The following LRRK1 variants were observed in gnomAD, a reference collection of about 807,000 sequenced individuals.
The protein encoded by LRRK1 is leucine-rich repeat serine/threonine-protein kinase 1.
Under a neutral mutation model 209.1 loss-of-function variants are expected in LRRK1, and 113 were observed. That is an observed-to-expected ratio of 0.54 (90% CI 0.46 to 0.63). LRRK1 has a LOEUF of 0.63. LRRK1 is among the 30% of genes least tolerant of loss of function. The pLI is 0.00. For missense variants in LRRK1, 2,284 were observed against 2,632.2 expected, an observed-to-expected ratio of 0.87 and a Z score of 2.89; for synonymous variants, 1,144 against 1,099.7, an observed-to-expected ratio of 1.04 and a Z score of -0.80.
At chr15:101,026,684 C>T (rs1221384295) in intron 17 of LRRK1, among the ~76,000 whole-genome samples, 1 of 152,234 alleles carries the variant, frequency 6.6e-6, no homozygotes, top group Non-Finnish European at 1.5e-5. Context: ...GATTGTTTGC[C>T]ACTTTGTAGG....
chr15:101,007,891 C>T (rs923508169), intron 6 of LRRK1, among the ~76,000 whole-genome samples: 1 of 152,130 alleles, frequency 6.6e-6, no homozygotes, highest in Non-Finnish European at 1.5e-5. Flanking sequence ...TGGCTCATGC[C>T]TGTAATTGCA....
At chr15:100,975,807 T>A (rs1322634095) in intron 3 of LRRK1, among the ~76,000 whole-genome samples, 1 of 151,970 alleles carries the variant, frequency 6.6e-6, no homozygotes. Flanking sequence ...AAAATAAAGG[T>A]AAAGAAAGTA....
rs998514955 is a variant in LRRK1 at position 101,001,964 on chromosome 15, C to T, written c.763-6873C>T. Among the ~76,000 whole-genome samples, 13 of 152,078 alleles carry T rather than the reference C, an allele frequency of 8.5e-5. No homozygotes were observed. The South Asian group carries it at 1.9e-3, about 22-fold the overall frequency. ...AAGGCTGCTCTTGACCCCACAGAAT[C>T]GTACAGAGGAACACCTGTGTGCATA... is the stretch of plus-strand genomic sequence containing the variant. On this transcript the variant is annotated intron_variant, in intron 6 of 33. Transcript: ENST00000388948.
intron 12 of LRRK1, among the ~76,000 whole-genome samples, chr15:101,016,366 C>T (rs1301382705): frequency 6.6e-6 from 1 of 151,892 alleles, no homozygotes; most frequent in East Asian, 1.9e-4. Flanking sequence ...GCCCTCCTCT[C>T]AGATATCCAG....
chr15:101,049,156 G>A (rs889822505), intron 22 of LRRK1, among the ~76,000 whole-genome samples: 5 of 152,098 alleles, frequency 3.3e-5, no homozygotes, highest in African/African-American at 1.2e-4. Flanking sequence ...CAGCCCAACA[G>A]GTTTAACGAA....
intron 23 of LRRK1, among the ~76,000 whole-genome samples, chr15:101,050,309 C>CATTG (rs1218448470): frequency 2.0e-5 from 3 of 152,182 alleles, no homozygotes; most frequent in Non-Finnish European, 4.4e-5. Context: ...TCTGTTTCTT[C>CATTG]ATTGATAGTT....
chr15:101,004,365 T>C (rs143094623), intron 6 of LRRK1, among the ~76,000 whole-genome samples: 204 of 152,154 alleles, frequency 1.3e-3, no homozygotes, highest in African/African-American at 4.6e-3. Flanking sequence ...TGAAAGGTCT[T>C]GCGCAGACTT....
rs1330727443 is a variant in LRRK1 at position 100,995,375 on chromosome 15, G to T, written c.762+5977G>T. Among the ~76,000 whole-genome samples the T allele has an allele frequency of 5.3e-5, 8 of 152,282 alleles. No individual in the cohort carries two copies. In the East Asian group the frequency reaches 1.3e-3, roughly 26 times the overall value. On this transcript the variant is annotated intron_variant, in intron 6 of 33. Transcript: ENST00000388948. ...AGAAACCCACATTTGTTTTCCATTG[G>T]CAGTGGCTGGCTGCTTGGGTTTTGC...
intron 2 of LRRK1, among the ~76,000 whole-genome samples, chr15:100,966,889 G>A (rs571024262): frequency 1.3e-5 from 2 of 152,294 alleles, no homozygotes; most frequent in Admixed American, 6.5e-5. Flanking sequence ...GCACCTTATG[G>A]CCTACATATG....
chr15:101,073,821 C>T lies in LRRK1; in HGVS notation c.*4973C>T, dbSNP rs1431393036. 6.6e-6 allele frequency: 1 copy of T among 152,130 alleles called. No homozygotes were observed. Among genetic ancestry groups the T allele is most frequent in the African/African-American group, 2.4e-5 (1 of 41,410 alleles). 9.4% of individuals were successfully genotyped at this position (152,130 alleles called of 1,614,324 possible). On this transcript the variant is annotated 3_prime_UTR_variant, in exon 34 of 34. Coordinates refer to ENST00000388948, the MANE Select transcript of LRRK1 (RefSeq NM_024652.6). Reference sequence around the variant, plus strand: ...AGGCAACCTTCCACTCTCCATTCCTCCTTCTTCTCCCTTAGCCTATGTTCT... The same window carrying T: ...AGGCAACCTTCCACTCTCCATTCCTTCTTCTTCTCCCTTAGCCTATGTTCT...
Position 101,055,170 on chromosome 15 carries a change from A to T in LRRK1, c.4279A>T (p.Thr1427Ser). The part of the protein sequence containing the change: ...FHEGALGVEG[T>S]PGYQAPEIRP... Reference sequence around the variant, plus strand: ...TGAGGGCGCCCTAGGCGTGGAGGGCACTCCTGGCTACCAGGCCCCAGAGAT... The same window carrying T: ...TGAGGGCGCCCTAGGCGTGGAGGGCTCTCCTGGCTACCAGGCCCCAGAGAT... The change falls in exon 27 of 34, where the codon ACT becomes TCT. Residue 1427 changes from threonine (T) to serine (S), a missense_variant. Around this residue, in one of 6 missense-constraint regions of LRRK1, gnomAD observed 59 missense variants for 103.8 expected, o/e 0.57. Transcript: ENST00000388948. 1 of 1,606,808 alleles carries T rather than the reference A, an allele frequency of 6.2e-7. No homozygotes were observed. The highest frequency in any genetic ancestry group is 8.5e-7 in the Non-Finnish European group (1 of 1,176,334).
chr15:100,999,665 A>G (rs1218682179), intron 6 of LRRK1, among the ~76,000 whole-genome samples: 1 of 152,222 alleles, frequency 6.6e-6, no homozygotes. Context: ...GAAATATTTG[A>G]CTGGGAAAAA....
chr15:101,011,195 G>A (rs1210450649), intron 9 of LRRK1, among the ~76,000 whole-genome samples: 1 of 152,028 alleles, frequency 6.6e-6, no homozygotes, highest in Admixed American at 6.6e-5. Flanking sequence ...CAGGCCGGGC[G>A]CTATGGCTCA....
At chr15:100,961,374 G>A (rs2029927992) in intron 2 of LRRK1, among the ~76,000 whole-genome samples, 1 of 152,156 alleles carries the variant, frequency 6.6e-6, no homozygotes, top group Admixed American at 6.5e-5. Context: ...GCAGTTGGTG[G>A]CTGGGCGCGG....
At chr15:100,954,210 G>A (rs764446200) in intron 2 of LRRK1, among the ~76,000 whole-genome samples, 8 of 152,078 alleles carry the variant, frequency 5.3e-5, no homozygotes, top group Admixed American at 3.9e-4. Context: ...CACCGTGCCC[G>A]GCCTAACTCA....
In LRRK1 at chr15:101,049,745, C is replaced by G. The variant is rs61733312; in HGVS notation, c.3401C>G (p.Thr1134Arg). 3.1e-6 allele frequency: 5 copies of G among 1,613,944 alleles called. No homozygotes were observed. Among genetic ancestry groups the G allele is most frequent in the Non-Finnish European group, 4.2e-6 (5 of 1,179,956 alleles). ...GACTTCTCAGCCATGGCTTTCATCA[C>G]GGACCACGTCAATTCCTTGATTGAT... ...VRDFSAMAFI[T>R]DHVNSLIDQW... Residue 1134 changes from threonine (T) to arginine (R), a missense_variant, in exon 23 of 34, where the codon ACG becomes AGG. Transcript: ENST00000388948.
intron 21 of LRRK1, among the ~76,000 whole-genome samples, chr15:101,047,852 A>G (rs1419671536): frequency 6.6e-6 from 1 of 152,202 alleles, no homozygotes; most frequent in African/African-American, 2.4e-5. Flanking sequence ...ATCATTTTCA[A>G]TCAGAGAAAG....
chr15:100,952,717 G>T (rs1252671346), intron 2 of LRRK1, among the ~76,000 whole-genome samples: 1 of 152,152 alleles, frequency 6.6e-6, no homozygotes, highest in Non-Finnish European at 1.5e-5. Context: ...TGCTTGTCAG[G>T]CTTTCAGGTA....
At chr15:101,039,943 A>C (rs1472862622) in intron 20 of LRRK1, among the ~76,000 whole-genome samples, 1 of 152,134 alleles carries the variant, frequency 6.6e-6, no homozygotes, top group Non-Finnish European at 1.5e-5. Context: ...ATGATTTATT[A>C]TCTTTTTTAT....
Sources: allele counts gnomAD v4.1 joint callset (sites outside exome capture counted in the v4.1 genomes callset), GRCh38; gene constraint gnomAD v4.1.1; regional missense constraint gnomAD v4.1.1; transcripts MANE v1.5; gene names NCBI Gene and HGNC (gene_info 2026-07-23, HGNC 2026-07-21).